Variants in TCP11L2 observed in about 807,000 individuals in gnomAD.
The protein encoded by TCP11L2 is t-complex 11 like 2.
TCP11L2 carries 39 observed loss-of-function variants against 50.7 expected under a neutral mutation model. The ratio of observed to expected loss-of-function variants is 0.77; its 90% CI spans 0.60 to 1.01. The LOEUF (loss-of-function observed/expected upper bound fraction) is 1.01. TCP11L2 is among the 50% of genes least tolerant of loss of function. The pLI is 0.00. For synonymous variants in TCP11L2, 192 were observed against 219.3 expected (o/e 0.88, Z 1.10); for missense variants, 612 against 614.7 (o/e 1.00, Z 0.05).
chr12:106,311,036 T>C lies in TCP11L2; in HGVS notation c.-35-5T>C. Reference sequence around the variant, plus strand: ...CATTGACGCAGGGTCTGTTTGTCTGTGCAGGTGCTACCTTTTTACCCACAC... The same window carrying C: ...CATTGACGCAGGGTCTGTTTGTCTGCGCAGGTGCTACCTTTTTACCCACAC... On this transcript the variant is annotated splice_polypyrimidine_tract_variant and splice_region_variant and intron_variant, in intron 1 of 9. Transcript: ENST00000299045. 6.2e-7 allele frequency: 1 copy of C among 1,607,384 alleles called. No individual in the cohort carries two copies. The highest frequency in any genetic ancestry group is 8.5e-7 in the Non-Finnish European group (1 of 1,176,360).
chr12:106,307,003 C>CGAGCT (rs1481621933), intron 1 of TCP11L2, among the ~76,000 whole-genome samples: 1 of 152,168 alleles, frequency 6.6e-6, no homozygotes, highest in Admixed American at 6.5e-5. Flanking sequence ...AAGCTGCACA[C>CGAGCT]GAGCTGAGGA....
intron 6 of TCP11L2, among the ~76,000 whole-genome samples, chr12:106,334,619 A>G (rs948450916): frequency 6.6e-6 from 1 of 152,168 alleles, no homozygotes; most frequent in African/African-American, 2.4e-5. Context: ...TCTGACATAC[A>G]TATCTGATCA....
At chr12:106,304,956 T>C (rs2034569893) in intron 1 of TCP11L2, among the ~76,000 whole-genome samples, 1 of 152,152 alleles carries the variant, frequency 6.6e-6, no homozygotes, top group Non-Finnish European at 1.5e-5. Flanking sequence ...TGAGCAGCCA[T>C]ACCAGGATAA....
intron 8 of TCP11L2, among the ~76,000 whole-genome samples, chr12:106,336,903 T>G (rs2035941218): frequency 6.6e-6 from 1 of 152,234 alleles, no homozygotes; most frequent in Non-Finnish European, 1.5e-5. Flanking sequence ...CAAATCCACC[T>G]TGCTACGAAG....
intron 3 of TCP11L2, among the ~76,000 whole-genome samples, chr12:106,316,941 C>A (rs188779082): frequency 6.6e-6 from 1 of 152,032 alleles, no homozygotes; most frequent in Non-Finnish European, 1.5e-5. Context: ...TCAAAAGTGG[C>A]GAGTACAGGC....
intron 1 of TCP11L2, among the ~76,000 whole-genome samples, chr12:106,308,915 ACT>A (rs565923019): frequency 5.3e-5 from 8 of 152,320 alleles, no homozygotes; most frequent in Admixed American, 5.2e-4. Flanking sequence ...CAAGACACAA[ACT>A]CTGCTTTATT....
intron 2 of TCP11L2, 96 bp downstream of exon 2, chr12:106,311,328 T>G (rs1399490159): frequency 7.2e-7 from 1 of 1,382,748 alleles, no homozygotes; most frequent in African/African-American, 1.4e-5. Context: ...GCAACAGACT[T>G]CCCCTCCTTT....
intron 6 of TCP11L2, among the ~76,000 whole-genome samples, chr12:106,331,757 C>G (rs1041225881): frequency 1.3e-5 from 2 of 152,222 alleles, no homozygotes; most frequent in Admixed American, 1.3e-4. Flanking sequence ...TCAGAGGCCA[C>G]GGCTCCCAAC....
intron 5 of TCP11L2, 146 bp downstream of exon 5, chr12:106,321,852 C>G (rs1446221530): frequency 9.0e-6 from 6 of 666,448 alleles, no homozygotes; most frequent in Non-Finnish European, 1.5e-5. Flanking sequence ...GAGACCATGT[C>G]AATTATTTAC....
intron 3 of TCP11L2, among the ~76,000 whole-genome samples, chr12:106,316,072 C>T (rs1419078283): frequency 6.7e-6 from 1 of 150,200 alleles, no homozygotes; most frequent in Non-Finnish European, 1.5e-5. Context: ...TTTAAGCTTG[C>T]CATGTATCGT....
In TCP11L2 at chr12:106,346,645, C is replaced by A; in HGVS notation, c.*115C>A. The A allele has an allele frequency of 7.5e-7, 1 of 1,334,030 alleles. No individual in the cohort carries two copies. Among genetic ancestry groups the A allele is most frequent in the South Asian group, 1.5e-5 (1 of 66,624 alleles). 82.6% of individuals were successfully genotyped at this position (1,334,030 alleles called of 1,614,324 possible). A position where few individuals can be genotyped will look rare whatever the true frequency, so the allele number is the denominator to read the frequency against. On this transcript the variant is annotated 3_prime_UTR_variant, in exon 10 of 10. Transcript: ENST00000299045. ...CTCAGTACTGTGGTGCAGTATTAGC[C>A]CAAATCTGTGTAATGGGTAATATTA... is the stretch of plus-strand genomic sequence containing the variant.
intron 3 of TCP11L2, among the ~76,000 whole-genome samples, chr12:106,315,025 TC>T (rs2035023793): frequency 6.8e-6 from 1 of 147,232 alleles, no homozygotes; most frequent in Non-Finnish European, 1.5e-5. Flanking sequence ...AAAAAAAAAT[TC>T]CTGTTTGTGA....
At chr12:106,333,652 T>C (rs1019452958) in intron 6 of TCP11L2, among the ~76,000 whole-genome samples, 2 of 152,118 alleles carry the variant, frequency 1.3e-5, no homozygotes, top group Non-Finnish European at 2.9e-5. Flanking sequence ...TATAAACATA[T>C]TTATATATGT....
At chr12:106,337,784 A>G (rs1160436653) in intron 8 of TCP11L2, among the ~76,000 whole-genome samples, 1 of 152,220 alleles carries the variant, frequency 6.6e-6, no homozygotes, top group African/African-American at 2.4e-5. Flanking sequence ...AAGATGATTC[A>G]GGTACAGATG....
intron 1 of TCP11L2, chr12:106,303,643 A>G (rs2034512761): frequency 6.6e-6 from 1 of 152,264 alleles, no homozygotes; most frequent in Non-Finnish European, 1.5e-5. Context: ...AGGTGGCACC[A>G]CTGGGGGTAA....
Position 106,314,494 on chromosome 12 carries a change from G to A in TCP11L2, c.293+1G>A, listed in dbSNP as rs200939468. The A allele has an allele frequency of 5.2e-5, 82 of 1,567,056 alleles. No homozygotes were observed. The highest frequency in any genetic ancestry group is 6.7e-5 in the Non-Finnish European group (77 of 1,152,314). ...AACAAGAGGCTCTCCCAGAAAAGAG[G>A]TAACCTGGGGGCATTTGTTGTATAT... On this transcript the variant is annotated splice_donor_variant, in intron 3 of 9. Transcript: ENST00000299045. LOFTEE classifies it high-confidence loss of function.
chr12:106,330,620 A>C (rs2035715248), intron 6 of TCP11L2, among the ~76,000 whole-genome samples: 1 of 152,178 alleles, frequency 6.6e-6, no homozygotes, highest in African/African-American at 2.4e-5. Flanking sequence ...CCAAGGAACC[A>C]TCTTATGCTC....
Position 106,335,758 on chromosome 12 carries a change from A to G in TCP11L2, c.892A>G (p.Thr298Ala). ...TACCTCCAAGCCAAGCCTGAGCCCT[A>G]CTTTGGTGCTAAATAATAGTTACTT... ...ENTSKPSLSP[T>A]LVLNNSYLKL... Residue 298 changes from threonine to alanine, a missense_variant, in exon 7 of 10, where the codon ACT becomes GCT. By Grantham distance (58) the Thr-to-Ala change is moderately conservative (BLOSUM62 0). Transcript: ENST00000299045. 6.2e-7 allele frequency: 1 copy of G among 1,614,208 alleles called. No individual in the cohort carries two copies. Among genetic ancestry groups the G allele is most frequent in the South Asian group, 1.1e-5 (1 of 91,074 alleles).
At chr12:106,310,045 T>G (rs1252692574) in intron 1 of TCP11L2, among the ~76,000 whole-genome samples, 1 of 152,096 alleles carries the variant, frequency 6.6e-6, no homozygotes, top group Admixed American at 6.6e-5. Context: ...TGATACCATA[T>G]TCACATCAAG....
Sources: gnomAD v4.1 joint callset for allele counts (sites outside exome capture counted in the v4.1 genomes callset) on GRCh38, gnomAD v4.1.1 for gene constraint, MANE v1.5 for transcripts, NCBI Gene and HGNC (gene_info 2026-07-23, HGNC 2026-07-21) for gene names.